CCNH: variants seen among roughly 807,000 people sequenced by gnomAD.
CCNH encodes cyclin-H.
Under a neutral mutation model 41.9 loss-of-function variants are expected in CCNH, and 31 were observed. The ratio of observed to expected loss-of-function variants is 0.74; its 90% CI spans 0.56 to 1.00. CCNH has a LOEUF of 1.00. Ranked by LOEUF, CCNH falls within the 50% of genes least tolerant of loss-of-function variation. The pLI is 0.00. For missense variants in CCNH, 362 were observed against 388.4 expected (o/e 0.93, Z 0.57); for synonymous variants, 138 against 136.1 (o/e 1.01, Z -0.10).
rs1763683616 is a variant in CCNH at position 87,404,974 on chromosome 5, A to C, written c.559T>G (p.Leu187Val). Residue 187 changes from leucine (L) to valine (V), a missense_variant, in exon 5 of 9, where the codon TTG becomes GTG. Physicochemically the swap from Leu to Val is conservative, Grantham distance 32. Transcript: ENST00000256897. ...AGAAAGTCATCAGCTGTTTTCCTCA[A>C]AATCTCTGGATTCTCCAATATGGGA... is the stretch of plus-strand genomic sequence containing the variant. ...RYPILENPEI[L>V]RKTADDFLNR... 8 of 1,613,408 alleles carry C rather than the reference A, an allele frequency of 5.0e-6. No homozygotes were observed. The highest frequency in any genetic ancestry group is 5.9e-6 in the Non-Finnish European group (7 of 1,179,658).
At chr5:87,378,644 T>G, upstream of CCNH, 1 of 1,213,978 alleles carries the variant, frequency 8.2e-7, no homozygotes, top group Non-Finnish European at 1.2e-6. Context: ...ATTTCTAAAA[T>G]TATTCCTCAT....
At chr5:87,392,430 C>G, downstream of CCNH, 1 of 445,956 alleles carries the variant, frequency 2.2e-6, no homozygotes, top group South Asian at 1.6e-5. Flanking sequence ...TTGAAATCAG[C>G]TCAATTCATT....
At chr5:87,388,387 A>C (rs1186264121), downstream of CCNH, among the ~76,000 whole-genome samples, 1 of 152,192 alleles carries the variant, frequency 6.6e-6, no homozygotes, top group Non-Finnish European at 1.5e-5. Flanking sequence ...TAGTGTCGAT[A>C]ATAAAGTACA....
chr5:87,379,716 GATTT>G, upstream of CCNH: 1 of 1,609,768 alleles, frequency 6.2e-7, no homozygotes, highest in Non-Finnish European at 8.5e-7. Flanking sequence ...CATTTATATT[GATTT>G]ATTCCTTCTT....
chr5:87,367,910 CTG>C (rs1260287610), intron 9 of CCNH, among the ~76,000 whole-genome samples: 3 of 152,046 alleles, frequency 2.0e-5, no homozygotes, highest in Non-Finnish European at 4.4e-5. Flanking sequence ...ACAACTTTCT[CTG>C]GATGCTTTGA....
At chr5:87,320,265 T>C (rs1253387129) in intron 9 of CCNH, among the ~76,000 whole-genome samples, 2 of 152,214 alleles carry the variant, frequency 1.3e-5, no homozygotes, top group Non-Finnish European at 2.9e-5. Flanking sequence ...CTCTCCAAAC[T>C]GTTCCAGCCT....
intron 9 of CCNH, chr5:87,331,403 G>C: frequency 6.2e-7 from 1 of 1,613,536 alleles, no homozygotes; most frequent in East Asian, 2.2e-5. Flanking sequence ...CAGGCAGGCA[G>C]GGAAGTCTGG....
chr5:87,346,667 T>C, intron 9 of CCNH: 1 of 1,533,272 alleles, frequency 6.5e-7, no homozygotes. Flanking sequence ...TATTCTCTTT[T>C]TAAGATGGTT....
At chr5:87,311,793 C>T in the CCNH span, among the ~76,000 whole-genome samples, 2 of 152,210 alleles carry the variant, frequency 1.3e-5, no homozygotes, top group African/African-American at 4.8e-5. Flanking sequence ...CAGACTGATA[C>T]TGCATGGACC....
intron 9 of CCNH, chr5:87,363,202 A>G: frequency 1.3e-6 from 1 of 755,886 alleles, no homozygotes; most frequent in South Asian, 1.8e-5. Flanking sequence ...TGTTATAGGC[A>G]TTTTCTCATT....
chr5:87,409,970 G>A (rs1441040330), intron 2 of CCNH, among the ~76,000 whole-genome samples: 1 of 152,124 alleles, frequency 6.6e-6, no homozygotes, highest in Non-Finnish European at 1.5e-5. Context: ...GCTTGGTGAA[G>A]TATTACTATC....
At chr5:87,374,524 C>T (rs1761187001), downstream of CCNH, among the ~76,000 whole-genome samples, 2 of 133,928 alleles carry the variant, frequency 1.5e-5, no homozygotes, top group Admixed American at 1.6e-4. Flanking sequence ...CTTGGTTTTT[C>T]CACTTAGTTA....
intron 9 of CCNH, among the ~76,000 whole-genome samples, chr5:87,329,671 A>T (rs550542548): frequency 6.4e-4 from 97 of 152,270 alleles, no homozygotes; most frequent in African/African-American, 2.3e-3. Context: ...GTATATAAAA[A>T]TAGAGATTTT....
downstream of CCNH, chr5:87,389,620 T>C: frequency 6.6e-7 from 1 of 1,512,550 alleles, no homozygotes; most frequent in Non-Finnish European, 9.1e-7. Flanking sequence ...CATTTTTATC[T>C]TGTTACATTA....
intron 7 of CCNH, among the ~76,000 whole-genome samples, chr5:87,398,006 C>A (rs963977587): frequency 3.9e-5 from 6 of 152,208 alleles, no homozygotes; most frequent in African/African-American, 4.8e-5. Flanking sequence ...TTGCCAACCC[C>A]TGGTCTAATC....
upstream of CCNH, chr5:87,380,436 T>A: frequency 7.4e-7 from 1 of 1,348,538 alleles, no homozygotes; most frequent in Non-Finnish European, 1.1e-6. Context: ...TTGGGTAAAT[T>A]AAGCTTTTGG....
chr5:87,364,205 C>T (rs768540397), intron 9 of CCNH, among the ~76,000 whole-genome samples: 1 of 152,004 alleles, frequency 6.6e-6, no homozygotes, highest in Non-Finnish European at 1.5e-5. Context: ...GTTTTTCTGC[C>T]GCAGGATGGC....
chr5:87,322,525 G>A (rs1042102024), intron 9 of CCNH, among the ~76,000 whole-genome samples: 2 of 152,158 alleles, frequency 1.3e-5, no homozygotes, highest in Non-Finnish European at 2.9e-5. Context: ...CTGGTTTAAA[G>A]GAGCCTGGCT....
At chr5:87,325,085 C>T (rs1476057177) in intron 9 of CCNH, among the ~76,000 whole-genome samples, 1 of 151,982 alleles carries the variant, frequency 6.6e-6, no homozygotes, top group Non-Finnish European at 1.5e-5. Flanking sequence ...GCTGGGGAGG[C>T]CTCAGGAAAC....
Sources: gnomAD v4.1 joint callset for allele counts (sites outside exome capture counted in the v4.1 genomes callset) on GRCh38, gnomAD v4.1.1 for gene constraint, MANE v1.5 for transcripts, NCBI Gene and HGNC (gene_info 2026-07-23, HGNC 2026-07-21) for gene names.